The following NTAQ1 variants were observed in gnomAD, a reference collection of about 807,000 sequenced individuals.
The protein encoded by NTAQ1 is N-terminal glutamine amidase 1.
Under a neutral mutation model 28.2 loss-of-function variants are expected in NTAQ1, and 21 were observed. The observed-to-expected ratio is 0.74, with a 90% CI of 0.53 to 1.07. The LOEUF (loss-of-function observed/expected upper bound fraction) is 1.07. Among genes scored for constraint, NTAQ1 ranks in the 50% least tolerant of loss-of-function variants. The pLI, the probability that NTAQ1 is intolerant of heterozygous loss-of-function variation, is 0.00. For synonymous variants in NTAQ1, 105 were observed against 90.0 expected (o/e 1.17, Z -0.94); for missense variants, 264 against 256.6 (o/e 1.03, Z -0.20).
chr8:123,435,526 T>C, intron 3 of NTAQ1: 8 of 985,394 alleles, frequency 8.1e-6, no homozygotes, highest in Non-Finnish European at 9.6e-6. Flanking sequence ...CATGCAAATG[T>C]ACTTCTGAAT....
intron 5 of NTAQ1, chr8:123,438,156 C>T (rs1196694659): frequency 3.0e-5 from 21 of 701,704 alleles, no homozygotes; most frequent in Non-Finnish European, 4.4e-5. Flanking sequence ...TTGATAATTT[C>T]CTGACATTTA....
chr8:123,437,876 C>T (rs3817716), intron 5 of NTAQ1, among the ~76,000 whole-genome samples: 55,082 of 151,900 alleles, frequency 0.36, 10,098 homozygotes, highest in East Asian at 0.56. Flanking sequence ...AGAACCAGGG[C>T]ACCTGCAAAC....
At chr8:123,438,015 C>T (rs948350545) in intron 5 of NTAQ1, 12 of 583,916 alleles carry the variant, frequency 2.1e-5, no homozygotes, top group African/African-American at 3.7e-5. Flanking sequence ...GAAAGAAATC[C>T]CCATTGCATC....
intron 1 of NTAQ1, among the ~76,000 whole-genome samples, chr8:123,421,863 T>TA (rs1389252700): frequency 1.4e-5 from 2 of 143,646 alleles, no homozygotes; most frequent in Admixed American, 6.8e-5. Context: ...TAATTTTTTG[T>TA]ATTTTTTTTT....
intron 6 of NTAQ1, among the ~76,000 whole-genome samples, chr8:123,455,294 A>G (rs1435798113): frequency 6.6e-6 from 1 of 152,078 alleles, no homozygotes; most frequent in Admixed American, 6.6e-5. Context: ...CAGTATAAAC[A>G]TGGGCACTGT....
At chr8:123,447,335 T>G (rs987917042) in intron 6 of NTAQ1, among the ~76,000 whole-genome samples, 1 of 137,392 alleles carries the variant, frequency 7.3e-6, no homozygotes, top group Non-Finnish European at 1.6e-5. Flanking sequence ...AATTAATATA[T>G]GAACGTGTTC....
At chr8:123,475,564 A>T in the NTAQ1 span, among the ~76,000 whole-genome samples, 1 of 152,208 alleles carries the variant, frequency 6.6e-6, no homozygotes, top group African/African-American at 2.4e-5. Context: ...TTATAAATCT[A>T]TGTTTATTTC....
intron 3 of NTAQ1, among the ~76,000 whole-genome samples, chr8:123,430,866 A>G (rs1298729554): frequency 6.6e-6 from 1 of 152,218 alleles, no homozygotes; most frequent in Non-Finnish European, 1.5e-5. Flanking sequence ...CTAGGTGAAC[A>G]TGACTGGCAT....
At chr8:123,463,775 A>C (rs1216212665) in intron 6 of NTAQ1, among the ~76,000 whole-genome samples, 1 of 152,182 alleles carries the variant, frequency 6.6e-6, no homozygotes, top group Non-Finnish European at 1.5e-5. Flanking sequence ...ACTGTGATGC[A>C]ATCCCTACTC....
chr8:123,425,304 C>G (rs1813980923), intron 1 of NTAQ1, among the ~76,000 whole-genome samples: 1 of 151,766 alleles, frequency 6.6e-6, no homozygotes, highest in Admixed American at 6.6e-5. Flanking sequence ...ATTGGCCAGA[C>G]TGGTCTCAAA....
At chr8:123,420,756 G>T (rs999888962) in intron 1 of NTAQ1, among the ~76,000 whole-genome samples, 13 of 150,800 alleles carry the variant, frequency 8.6e-5, no homozygotes, top group African/African-American at 2.7e-4. Flanking sequence ...CCACTTTTTT[G>T]ACTTCTTAAA....
At chr8:123,434,448 G>A (rs1466399885) in intron 3 of NTAQ1, among the ~76,000 whole-genome samples, 1 of 152,098 alleles carries the variant, frequency 6.6e-6, no homozygotes, top group Admixed American at 6.6e-5. Flanking sequence ...TCAACATGGT[G>A]AAACCCCATC....
Position 123,435,539 on chromosome 8 carries a change from G to A in NTAQ1, c.235-914G>A, listed in dbSNP as rs748409727. 30 of 984,730 alleles carry A rather than the reference G, an allele frequency of 3.0e-5. No homozygotes were observed. In the East Asian group the frequency reaches 6.8e-4, roughly 22 times the overall value. The allele number at this position is 984,730 out of a possible 1,614,324, so 61.0% of individuals were successfully genotyped here. A position where few individuals can be genotyped will look rare whatever the true frequency, so the allele number is the denominator to read the frequency against. On this transcript the variant is annotated intron_variant, in intron 3 of 5. Coordinates refer to ENST00000287387, the MANE Select transcript of NTAQ1 (RefSeq NM_018024.3). ...TGCATGCAAATGTACTTCTGAATGCGCACGTATGTCTTTATATACAGATAG... is the reference window on the plus strand; with the variant it reads ...TGCATGCAAATGTACTTCTGAATGCACACGTATGTCTTTATATACAGATAG...
intron 1 of NTAQ1, among the ~76,000 whole-genome samples, chr8:123,424,561 A>G (rs1813924528): frequency 6.6e-6 from 1 of 151,004 alleles, no homozygotes; most frequent in African/African-American, 2.4e-5. Context: ...TGTATTTTTA[A>G]TAGGGTTTCG....
chr8:123,436,403 T>C (rs757119103), intron 3 of NTAQ1, 50 bp from the exon 4 acceptor site: 2 of 1,581,150 alleles, frequency 1.3e-6, no homozygotes, highest in Non-Finnish European at 8.7e-7. Flanking sequence ...AATACTGGGA[T>C]TTCATCATTA....
chr8:123,427,953 AC>A lies in NTAQ1; in HGVS notation c.114del (p.Tyr38Ter). On this transcript the variant is annotated frameshift_variant, in exon 2 of 6. Transcript: ENST00000287387. LOFTEE classifies it high-confidence loss of function. ...GAAAATATTTGGAAGCTCTGTGAAT[AC>A]ATCAAAAACCATGACCAGTATCCTT... ...CEENIWKLCE[Y>X]IKNHDQYPLE... 1 of 1,610,134 alleles carries A rather than the reference AC, an allele frequency of 6.2e-7. No homozygotes were observed. The highest frequency in any genetic ancestry group is 8.5e-7 in the Non-Finnish European group (1 of 1,178,474).
chr8:123,456,251 G>A (rs78868247), intron 6 of NTAQ1, among the ~76,000 whole-genome samples: 4,537 of 152,238 alleles, frequency 0.03, 97 homozygotes, highest in Non-Finnish European at 0.05. Flanking sequence ...TTATGCTTTT[G>A]AATATTGAGA....
intron 1 of NTAQ1, among the ~76,000 whole-genome samples, chr8:123,422,953 A>G (rs1358836408): frequency 2.6e-5 from 4 of 152,120 alleles, no homozygotes; most frequent in Admixed American, 6.6e-5. Flanking sequence ...ATGGTTGTAA[A>G]TGTAAATATG....
At chr8:123,433,772 A>G (rs1344331241) in intron 3 of NTAQ1, among the ~76,000 whole-genome samples, 1 of 152,124 alleles carries the variant, frequency 6.6e-6, no homozygotes, top group Non-Finnish European at 1.5e-5. Context: ...AAAAGGGTTG[A>G]TCATTTACAC....
Sources: allele counts gnomAD v4.1 joint callset (sites outside exome capture counted in the v4.1 genomes callset), GRCh38; gene constraint gnomAD v4.1.1; transcripts MANE v1.5; gene names NCBI Gene and HGNC (gene_info 2026-07-23, HGNC 2026-07-21).